The following DSC2 variants were observed in gnomAD, a reference collection of about 807,000 sequenced individuals.
DSC2 encodes the protein desmocollin-2.
DSC2 carries 51 observed loss-of-function variants against 87.6 expected under a neutral mutation model. That is an observed-to-expected ratio of 0.58 (90% confidence interval 0.46 to 0.74). The LOEUF (loss-of-function observed/expected upper bound fraction) is 0.74. Among genes scored for constraint, DSC2 ranks in the 30% least tolerant of loss-of-function variants. The probability of loss-of-function intolerance (pLI) is 0.00; values close to 1 mark genes in which losing one functional copy is unlikely to be tolerated. For missense variants in DSC2, 1,066 were observed against 1,089.5 expected, an observed-to-expected ratio of 0.98 and a Z score of 0.30; for synonymous variants, 383 against 393.2, an observed-to-expected ratio of 0.97 and a Z score of 0.31.
intron 4 of DSC2, among the ~76,000 whole-genome samples, chr18:31,089,856 T>C (rs1480150072): frequency 6.6e-6 from 1 of 152,166 alleles, no homozygotes; most frequent in African/African-American, 2.4e-5. Context: ...TGTCTATACA[T>C]GGAAAAAACA....
At chr18:31,083,147 A>G in intron 7 of DSC2, 87 bp from the exon 8 acceptor site, 1 of 1,475,512 alleles carries the variant, frequency 6.8e-7, no homozygotes, top group Non-Finnish European at 9.2e-7. Context: ...ATTTTTTTGC[A>G]CTAAGAATTT....
chr18:31,075,038 C>A, intron 11 of DSC2, 131 bp from the exon 12 acceptor site: 1 of 948,314 alleles, frequency 1.1e-6, no homozygotes, highest in East Asian at 2.6e-5. Flanking sequence ...CAGTCACAAG[C>A]TATGTCCTCA....
chr18:31,091,165 G>A lies in DSC2; in HGVS notation c.355-18C>T, dbSNP rs1159494088. The A allele has an allele frequency of 3.1e-6, 5 of 1,613,194 alleles. No individual in the cohort carries two copies. The South Asian group carries it at 4.4e-5, about 14-fold the overall frequency. On this transcript the variant is annotated intron_variant, in intron 3 of 15. Transcript: ENST00000280904. The stretch of plus-strand genomic sequence containing the variant: ...TTTAGGACCTCAATTCATAAGACAG[G>A]AAAAAATAATAAAGTCAATGACTAC...
At chr18:31,073,774 A>T (rs1411571051) in intron 12 of DSC2, among the ~76,000 whole-genome samples, 1 of 152,220 alleles carries the variant, frequency 6.6e-6, no homozygotes, top group Non-Finnish European at 1.5e-5. Flanking sequence ...GTGATAATGT[A>T]GACAGGTTGC....
intron 12 of DSC2, among the ~76,000 whole-genome samples, chr18:31,073,399 ACACACG>A (rs1322810659): frequency 1.3e-5 from 2 of 149,724 alleles, no homozygotes; most frequent in African/African-American, 2.5e-5. Flanking sequence ...ACACACACAC[ACACACG>A]CACACACAAC....
chr18:31,091,620 G>GCTGC, intron 3 of DSC2: 1 of 458,450 alleles, frequency 2.2e-6, no homozygotes, highest in Non-Finnish European at 4.4e-6. Flanking sequence ...CTGCTGCAGT[G>GCTGC]AGGAATGGCT....
intron 7 of DSC2, among the ~76,000 whole-genome samples, chr18:31,083,310 T>C (rs1341631243): frequency 6.6e-6 from 1 of 152,224 alleles, no homozygotes; most frequent in Non-Finnish European, 1.5e-5. Flanking sequence ...CTTGGCTCAC[T>C]GCAACCTCTG....
rs766400613 is a variant in DSC2 at position 31,092,079 on chromosome 18, T to G, written c.354+22A>C. The G allele has an allele frequency of 8.2e-6, 13 of 1,593,210 alleles. No homozygotes were observed. In the Admixed American group the frequency reaches 2.0e-4, roughly 25 times the overall value. ...CGTCTGAAGAAAAGATATCATTTCTTCATTTATGTAGCCTTGTATACCTTT... is the reference window on the plus strand; with the variant it reads ...CGTCTGAAGAAAAGATATCATTTCTGCATTTATGTAGCCTTGTATACCTTT... On this transcript the variant is annotated intron_variant, in intron 3 of 15. Transcript: ENST00000280904.
At chr18:31,093,516 C>A (rs1324610441) in intron 2 of DSC2, 43 bp downstream of exon 2, 2 of 1,494,278 alleles carry the variant, frequency 1.3e-6, no homozygotes, top group Non-Finnish European at 1.9e-6. Context: ...GTATATGTAC[C>A]ACAGCAAAAC....
chr18:31,068,759 G>A (rs2144782857), intron 15 of DSC2, 135 bp downstream of exon 15: 1 of 1,223,544 alleles, frequency 8.2e-7, no homozygotes, highest in Middle Eastern at 2.8e-4. Context: ...TTAAAATTGA[G>A]GAAAAATAAT....
Position 31,083,017 on chromosome 18 carries a change from T to A in DSC2, c.986A>T (p.Asp329Val). The change falls in exon 8 of 16, where the codon GAT becomes GTT. Residue 329 changes from aspartate (D) to valine (V), a missense_variant. Asp to Val is a radical substitution (Grantham distance 152). Transcript: ENST00000280904. ...YQLKIKVQDMDGQYFGLQTTS... is the reference protein window; with the variant it reads ...YQLKIKVQDMVGQYFGLQTTS... ...TGTCTGTAGACCAAAATACTGACCA[T>A]CCATGTCTTGTACTTTTATTTTCAA... is the stretch of plus-strand genomic sequence containing the variant. 1 of 1,613,282 alleles carries A rather than the reference T, an allele frequency of 6.2e-7. No individual in the cohort carries two copies. Among genetic ancestry groups the A allele is most frequent in the South Asian group, 1.1e-5 (1 of 91,028 alleles).
chr18:31,082,912 TATC>T lies in DSC2; in HGVS notation c.1077+11_1077+13del, dbSNP rs1337647613. ...GGTCTATACATTTTTCTTTAATTAA[TATC>T]ATACACTTACAGAAGTACGAGTAAA... On this transcript the variant is annotated intron_variant, in intron 8 of 15. Transcript: ENST00000280904. The T allele has an allele frequency of 6.2e-7, 1 of 1,612,452 alleles. No individual in the cohort carries two copies. The highest frequency in any genetic ancestry group is 1.1e-5 in the South Asian group (1 of 90,998).
rs1167735502 is a variant in DSC2 at position 31,063,057 on chromosome 18, C to T, written c.*4958G>A. The T allele has an allele frequency of 6.6e-6, 1 of 152,104 alleles. No individual in the cohort carries two copies. Among genetic ancestry groups the T allele is most frequent in the Non-Finnish European group, 1.5e-5 (1 of 68,014 alleles). The allele number at this position is 152,104 out of a possible 1,614,324, so 9.4% of individuals were successfully genotyped here. On this transcript the variant is annotated 3_prime_UTR_variant, in exon 16 of 16. Transcript: ENST00000280904. ...TGATGAATCAAAATTTGGCCAGGCA[C>T]AGTGGCTTATGCCTGTAATCCCAGC...
intron 11 of DSC2, among the ~76,000 whole-genome samples, chr18:31,076,154 G>A (rs1164773809): frequency 1.3e-5 from 2 of 152,168 alleles, no homozygotes; most frequent in South Asian, 2.1e-4. Flanking sequence ...AAGCTGCCAA[G>A]CTCGGGAAGA....
chr18:31,102,288 G>T lies in DSC2; in HGVS notation c.-317C>A, dbSNP rs377738553. Reference sequence around the variant, plus strand: ...CCACGGGTGGGAACTCCCTCTCGCCGCCACCCTTTTACCTGCGCAAGGTGT... The same window carrying T: ...CCACGGGTGGGAACTCCCTCTCGCCTCCACCCTTTTACCTGCGCAAGGTGT... On this transcript the variant is annotated 5_prime_UTR_variant, in exon 1 of 16. Coordinates refer to ENST00000280904, the MANE Select transcript of DSC2 (RefSeq NM_024422.6). 3 of 294,320 alleles carry T rather than the reference G, an allele frequency of 1.0e-5. No individual in the cohort carries two copies. Among genetic ancestry groups the T allele is most frequent in the African/African-American group, 4.4e-5 (2 of 45,804 alleles). 18.2% of individuals were successfully genotyped at this position (294,320 alleles called of 1,614,324 possible).
rs776398212 is a variant in DSC2 at position 31,080,195 on chromosome 18, G to A, written c.1421C>T (p.Pro474Leu). The part of the protein sequence containing the change: ...DQDEGPECNP[P>L]IQTVRMKENA... ...TTCTTTCATGCGAACAGTCTGTATT[G>A]GAGGGTTACACTCAGGGCCCTCATC... is the stretch of plus-strand genomic sequence containing the variant. Residue 474 changes from proline (P) to leucine (L), a missense_variant, in exon 10 of 16, where the codon CCA (proline) becomes CTA (leucine). Pro to Leu is a moderately conservative substitution (Grantham distance 98, BLOSUM62 -3). Coordinates refer to ENST00000280904, the MANE Select transcript of DSC2 (RefSeq NM_024422.6). 3.7e-6 allele frequency: 6 copies of A among 1,613,994 alleles called. No homozygotes were observed. In the East Asian group the frequency reaches 8.9e-5, roughly 24 times the overall value.
Position 31,087,751 on chromosome 18 carries a change from G to C in DSC2, c.693C>G (p.Ile231Met), listed in dbSNP as rs776727405. 2 of 1,613,694 alleles carry C rather than the reference G, an allele frequency of 1.2e-6. No individual in the cohort carries two copies. Among genetic ancestry groups the C allele is most frequent in the Non-Finnish European group, 1.7e-6 (2 of 1,179,728 alleles). Residue 231 changes from isoleucine to methionine, a missense_variant, in exon 6 of 16, where the codon ATC (isoleucine) becomes ATG (methionine). Ile to Met is a conservative substitution (Grantham distance 10). Coordinates refer to ENST00000280904, the MANE Select transcript of DSC2 (RefSeq NM_024422.6). ...YTPELPLPLI[I>M]KIEDENDNYP... ...AGTTATCATTTTCATCCTCTATTTT[G>C]ATTATTAGGGGCAGTGGAAGTTCTG...
In DSC2 at chr18:31,079,942, T is replaced by C. The variant is rs766187198; in HGVS notation, c.1568A>G (p.Asn523Ser). ...DPTGWVTIDENTGSIKVFRSL... is the reference protein window; with the variant it reads ...DPTGWVTIDESTGSIKVFRSL... ...TCTGAAAACTTTGATTGATCCTGTA[T>C]TTTCATCAATGGTGACCCACCCTGT... Residue 523 changes from asparagine (N) to serine (S), a missense_variant, in exon 11 of 16, where the codon AAT becomes AGT. Coordinates refer to ENST00000280904, the MANE Select transcript of DSC2 (RefSeq NM_024422.6). The C allele has an allele frequency of 6.2e-6, 10 of 1,613,908 alleles. No individual in the cohort carries two copies. Among genetic ancestry groups the C allele is most frequent in the African/African-American group, 1.3e-5 (1 of 74,944 alleles).
intron 1 of DSC2, among the ~76,000 whole-genome samples, chr18:31,099,827 G>T (rs941507627): frequency 6.6e-6 from 1 of 152,068 alleles, no homozygotes; most frequent in African/African-American, 2.4e-5. Context: ...TTGGGTATAT[G>T]GGAAGGAAGG....
Sources: gnomAD v4.1 joint callset for allele counts (sites outside exome capture counted in the v4.1 genomes callset) on GRCh38, gnomAD v4.1.1 for gene constraint, MANE v1.5 for transcripts, NCBI Gene and HGNC (gene_info 2026-07-23, HGNC 2026-07-21) for gene names.